ACOT8: variants seen among roughly 807,000 people sequenced by gnomAD.
The protein encoded by ACOT8 is acyl-coenzyme A thioesterase 8.
Under a neutral mutation model 38.4 loss-of-function variants are expected in ACOT8, and 31 were observed. The ratio of observed to expected loss-of-function variants is 0.81; its 90% CI spans 0.61 to 1.09. The LOEUF (loss-of-function observed/expected upper bound fraction) is 1.09, where lower values mean the gene tolerates loss of function less well. ACOT8 is among the 50% of genes least tolerant of loss of function. ACOT8 has a pLI of 0.00. For missense variants in ACOT8, 373 were observed against 421.8 expected (o/e 0.88, Z 1.01); for synonymous variants, 158 against 170.3 (o/e 0.93, Z 0.56).
At position 45,843,479 on chromosome 20, in the gene ACOT8, C is replaced by T. The variant is rs368271642; in HGVS notation, c.841+48G>A. ...TCAGCATCACCCAAGAAAGCAGGCTCCTGCCACTCAAGGTCAGTGCCCTTG... is the reference window on the plus strand; with the variant it reads ...TCAGCATCACCCAAGAAAGCAGGCTTCTGCCACTCAAGGTCAGTGCCCTTG... On this transcript the variant is annotated intron_variant, in intron 5 of 5. Transcript: ENST00000217455. 1.9e-4 allele frequency: 295 copies of T among 1,588,710 alleles called. 1 individual carries two copies. Among genetic ancestry groups the T allele is most frequent in the Middle Eastern group, 4.9e-4 (3 of 6,062 alleles).
intron 2 of ACOT8, among the ~76,000 whole-genome samples, chr20:45,853,254 A>G (rs1015505709): frequency 2.6e-5 from 4 of 152,228 alleles, no homozygotes; most frequent in Non-Finnish European, 5.9e-5. Flanking sequence ...TTGGCACTCA[A>G]AGACACATAA....
chr20:45,849,334 G>C (rs918743649), intron 2 of ACOT8, among the ~76,000 whole-genome samples: 4 of 152,144 alleles, frequency 2.6e-5, no homozygotes, highest in Non-Finnish European at 5.9e-5. Flanking sequence ...ACCCAGGCTG[G>C]AGTACAGTGG....
At chr20:45,850,226 G>C (rs914943521) in intron 2 of ACOT8, among the ~76,000 whole-genome samples, 2 of 151,950 alleles carry the variant, frequency 1.3e-5, no homozygotes, top group Non-Finnish European at 2.9e-5. Flanking sequence ...CCAGCCTGGG[G>C]AACAAGAGTG....
intron 1 of ACOT8, among the ~76,000 whole-genome samples, chr20:45,856,086 G>T (rs769789730): frequency 6.6e-6 from 1 of 151,958 alleles, no homozygotes; most frequent in Non-Finnish European, 1.5e-5. Flanking sequence ...CTCCAAAGTG[G>T]GGCCTCATGT....
At position 45,843,540 on chromosome 20, in the gene ACOT8, C is replaced by G; in HGVS notation, c.828G>C (p.Glu276Asp). The change falls in exon 5 of 6, where the codon GAG becomes GAC. Residue 276 changes from glutamate (E) to aspartate (D), a missense_variant. Coordinates refer to ENST00000217455, the MANE Select transcript of ACOT8 (RefSeq NM_005469.4). ...CCCCACACTCACCGGCCCAGGGGCT[C>G]TCGCATTCATAGAGCATCCAGTGGT... is the stretch of plus-strand genomic sequence containing the variant. ...RADHWMLYECESPWAGGSRGL... is the reference protein window; with the variant it reads ...RADHWMLYECDSPWAGGSRGL... 6.2e-7 allele frequency: 1 copy of G among 1,609,460 alleles called. No individual in the cohort carries two copies.
chr20:45,850,894 A>T (rs776881540), intron 2 of ACOT8, among the ~76,000 whole-genome samples: 5 of 152,082 alleles, frequency 3.3e-5, no homozygotes, highest in African/African-American at 7.2e-5. Context: ...CCAGAGTAGA[A>T]GGCACTGGCC....
intron 5 of ACOT8, chr20:45,842,275 A>G: frequency 7.0e-7 from 1 of 1,429,988 alleles, no homozygotes; most frequent in Non-Finnish European, 9.1e-7. Context: ...AACTCCTCCC[A>G]CAGGAACCCC....
At chr20:45,842,338 C>A in intron 5 of ACOT8, 1 of 1,385,820 alleles carries the variant, frequency 7.2e-7, no homozygotes, top group Non-Finnish European at 9.3e-7. Flanking sequence ...TCAAAAAGAT[C>A]ACAGAGGGAG....
chr20:45,843,537 G>A lies in ACOT8; in HGVS notation c.831C>T (p.Ser277=). The A allele has an allele frequency of 6.2e-7, 1 of 1,609,252 alleles. No individual in the cohort carries two copies. Among genetic ancestry groups the A allele is most frequent in the Non-Finnish European group, 8.5e-7 (1 of 1,176,480 alleles). The change falls in exon 5 of 6, where the codon AGC becomes AGT. Residue 277 remains serine, a synonymous_variant. Transcript: ENST00000217455. ...ADHWMLYECE[S]PWAGGSRGLV... ...CGGCCCCACACTCACCGGCCCAGGG[G>A]CTCTCGCATTCATAGAGCATCCAGT...
At chr20:45,842,340 CAGAG>C (rs1273297261) in intron 5 of ACOT8, 23 of 1,383,736 alleles carry the variant, frequency 1.7e-5, no homozygotes, top group Non-Finnish European at 2.1e-5. Flanking sequence ...AAAAAGATCA[CAGAG>C]GGAGGAGCTC....
chr20:45,847,960 A>G (rs1317997132), intron 3 of ACOT8: 1 of 151,526 alleles, frequency 6.6e-6, no homozygotes, highest in African/African-American at 2.4e-5. Context: ...TATTTTTTAT[A>G]GAGACAGGGT....
At chr20:45,852,028 C>T (rs769939867) in intron 2 of ACOT8, among the ~76,000 whole-genome samples, 8 of 151,992 alleles carry the variant, frequency 5.3e-5, no homozygotes, top group Non-Finnish European at 1.0e-4. Context: ...CTCGATCTGT[C>T]GCCCAGGTGG....
intron 2 of ACOT8, among the ~76,000 whole-genome samples, chr20:45,853,011 C>T (rs866167688): frequency 6.6e-6 from 1 of 151,924 alleles, no homozygotes; most frequent in Admixed American, 6.6e-5. Flanking sequence ...TCAGGTGATC[C>T]GCCCGCCTCG....
chr20:45,854,322 G>C (rs1419350833), intron 2 of ACOT8, among the ~76,000 whole-genome samples: 1 of 142,772 alleles, frequency 7.0e-6, no homozygotes, highest in Non-Finnish European at 1.6e-5. Context: ...CCATTCTCCT[G>C]CCTCAGCCTC....
intron 5 of ACOT8, 43 bp from the exon 6 acceptor site, chr20:45,841,999 G>A (rs1984199601): frequency 2.5e-6 from 4 of 1,604,498 alleles, no homozygotes; most frequent in African/African-American, 1.4e-5. Flanking sequence ...CTTCAGAACA[G>A]CCAAATACAC....
rs1355660338 is a variant in ACOT8, at chr20:45,849,062, GAAT to G, written c.263-390_263-388del. On this transcript the variant is annotated intron_variant, in intron 2 of 5. Coordinates refer to ENST00000217455, the MANE Select transcript of ACOT8 (RefSeq NM_005469.4). The stretch of plus-strand genomic sequence containing the variant: ...TGAATCCGTAGTTGTAAAGTGTTTA[GAAT>G]AATATCTGGCACATAGTGAGGGCTC... 9.8e-5 allele frequency: 17 copies of G among 174,296 alleles called. No homozygotes were observed. The East Asian group carries it at 2.0e-3, about 21-fold the overall frequency. The allele number at this position is 174,296 out of a possible 1,614,324, so 10.8% of individuals were successfully genotyped here. A position where few individuals can be genotyped will look rare whatever the true frequency, so the allele number is the denominator to read the frequency against.
At position 45,842,210 on chromosome 20, in the gene ACOT8, C is replaced by T. The variant is rs1011690079; in HGVS notation, c.842-254G>A. On this transcript the variant is annotated intron_variant, in intron 5 of 5. Transcript: ENST00000217455. ...CCCCACACAAGGGTGCACTGAGTGTCGTGGCTGCTCCAAATGCCCCTTCAT... is the reference window on the plus strand; with the variant it reads ...CCCCACACAAGGGTGCACTGAGTGTTGTGGCTGCTCCAAATGCCCCTTCAT... 4.9e-6 allele frequency: 7 copies of T among 1,441,376 alleles called. No homozygotes were observed. The Admixed American group carries it at 1.1e-4, about 22-fold the overall frequency. The allele number at this position is 1,441,376 out of a possible 1,614,324, so 89.3% of individuals were successfully genotyped here. A position where few individuals can be genotyped will look rare whatever the true frequency, so the allele number is the denominator to read the frequency against.
At position 45,855,147 on chromosome 20, in the gene ACOT8, T is replaced by TG. The variant is rs1475927231; in HGVS notation, c.262+11dup. ...ACCAGGGTTGGGTTGGGGCAGGAAG[T>TG]GGGGGGTTTACCTGCCCGAACAAAG... On this transcript the variant is annotated intron_variant, in intron 2 of 5. Transcript: ENST00000217455. The TG allele has an allele frequency of 1.9e-6, 3 of 1,612,956 alleles. No homozygotes were observed. The highest frequency in any genetic ancestry group is 2.2e-5 in the South Asian group (2 of 91,042).
intron 3 of ACOT8, among the ~76,000 whole-genome samples, chr20:45,845,932 A>G (rs1488820953): frequency 6.6e-6 from 1 of 151,710 alleles, no homozygotes; most frequent in Non-Finnish European, 1.5e-5. Flanking sequence ...CCTGGGTCCA[A>G]GCGACTCTCC....
Sources: allele counts gnomAD v4.1 joint callset (sites outside exome capture counted in the v4.1 genomes callset), GRCh38; gene constraint gnomAD v4.1.1; transcripts MANE v1.5; gene names NCBI Gene and HGNC (gene_info 2026-07-23, HGNC 2026-07-21).